Variants in NPAS3 observed in about 807,000 individuals in gnomAD.
The protein encoded by NPAS3 is neuronal PAS domain protein 3.
Under a neutral mutation model 73.1 loss-of-function variants are expected in NPAS3, and 14 were observed. That is an observed-to-expected ratio of 0.19 (90% confidence interval 0.13 to 0.30). The LOEUF is 0.30. Ranked by LOEUF, NPAS3 falls within the 10% of genes least tolerant of loss-of-function variation. The probability of loss-of-function intolerance (pLI) is 1.00; values close to 1 mark genes in which losing one functional copy is unlikely to be tolerated. For synonymous variants in NPAS3, 620 were observed against 541.5 expected (o/e 1.14, Z -2.01); for missense variants, 1,096 against 1,250.0 (o/e 0.88, Z 1.86).
At chr14:33,096,855 A>G (rs533467670) in intron 2 of NPAS3, among the ~76,000 whole-genome samples, 1 of 152,214 alleles carries the variant, frequency 6.6e-6, no homozygotes, top group East Asian at 1.9e-4. Context: ...TGTTATCTTA[A>G]TGTTTGATTC....
At chr14:33,300,393 C>T (rs2140146728) in intron 3 of NPAS3, among the ~76,000 whole-genome samples, 1 of 152,328 alleles carries the variant, frequency 6.6e-6, no homozygotes, top group African/African-American at 2.4e-5. Context: ...TAATGAACCA[C>T]CACGTAACAT....
intron 1 of NPAS3, among the ~76,000 whole-genome samples, chr14:32,948,598 G>T (rs1330737528): frequency 1.3e-5 from 2 of 152,080 alleles, no homozygotes; most frequent in Non-Finnish European, 2.9e-5. Flanking sequence ...TCTCTCCTGT[G>T]CAGGCATATG....
intron 3 of NPAS3, among the ~76,000 whole-genome samples, chr14:33,273,457 C>T (rs911556046): frequency 1.9e-4 from 29 of 152,012 alleles, no homozygotes; most frequent in African/African-American, 6.8e-4. Context: ...TTCAGAGGCC[C>T]CATTTTCTTA....
chr14:33,051,280 C>CAAAAAAAAA (rs1236766783), intron 1 of NPAS3, among the ~76,000 whole-genome samples: 50 of 64,244 alleles, frequency 7.8e-4, no homozygotes, highest in East Asian at 1.2e-3. Flanking sequence ...GACTCCGTCT[C>CAAAAAAAAA]AAAAAAAAAA....
At chr14:33,535,266 G>T (rs1404889559) in intron 4 of NPAS3, among the ~76,000 whole-genome samples, 1 of 152,112 alleles carries the variant, frequency 6.6e-6, no homozygotes, top group African/African-American at 2.4e-5. Context: ...TCATTCTAGG[G>T]CAGTACCCTT....
At chr14:33,295,153 A>G (rs2042245330) in intron 3 of NPAS3, among the ~76,000 whole-genome samples, 1 of 152,232 alleles carries the variant, frequency 6.6e-6, no homozygotes, top group South Asian at 2.1e-4. Context: ...AACGAAAACA[A>G]ATTTAAAACA....
At chr14:33,440,597 A>G (rs1481828134) in intron 4 of NPAS3, among the ~76,000 whole-genome samples, 1 of 152,206 alleles carries the variant, frequency 6.6e-6, no homozygotes, top group African/African-American at 2.4e-5. Flanking sequence ...GGGACAGGAA[A>G]TATAGAAAGT....
intron 3 of NPAS3, among the ~76,000 whole-genome samples, chr14:33,265,371 T>C (rs1022435512): frequency 6.6e-6 from 1 of 152,242 alleles, no homozygotes; most frequent in Non-Finnish European, 1.5e-5. Context: ...TGTAAAATTT[T>C]CTAAGGAGTC....
intron 5 of NPAS3, among the ~76,000 whole-genome samples, chr14:33,601,096 T>G (rs1307381867): frequency 1.3e-5 from 2 of 152,314 alleles, no homozygotes; most frequent in Non-Finnish European, 2.9e-5. Flanking sequence ...GAATGTCTCC[T>G]TTCCTTACTA....
chr14:33,104,467 A>C (rs2138912366), intron 2 of NPAS3, among the ~76,000 whole-genome samples: 1 of 152,326 alleles, frequency 6.6e-6, no homozygotes, highest in Non-Finnish European at 1.5e-5. Context: ...TGAACTTGTC[A>C]AAAAGAAACT....
At chr14:33,775,589 GAA>G (rs1312862124) in intron 8 of NPAS3, among the ~76,000 whole-genome samples, 1 of 152,154 alleles carries the variant, frequency 6.6e-6, no homozygotes, top group Non-Finnish European at 1.5e-5. Context: ...TGATTCAAAG[GAA>G]ATAATTCACC....
At chr14:33,260,050 C>T (rs780918777) in intron 3 of NPAS3, among the ~76,000 whole-genome samples, 1 of 152,098 alleles carries the variant, frequency 6.6e-6, no homozygotes, top group African/African-American at 2.4e-5. Flanking sequence ...ATGCAGCCGG[C>T]ATTTTGTTGG....
At chr14:32,989,248 C>CA (rs2038215023) in intron 1 of NPAS3, among the ~76,000 whole-genome samples, 1 of 152,130 alleles carries the variant, frequency 6.6e-6, no homozygotes, top group African/African-American at 2.4e-5. Context: ...ATTCCAGGCA[C>CA]AGAGGCAGAA....
chr14:33,215,739 AT>A (rs2047200213), intron 3 of NPAS3, among the ~76,000 whole-genome samples: 1 of 152,164 alleles, frequency 6.6e-6, no homozygotes, highest in Non-Finnish European at 1.5e-5. Context: ...TTACATACAA[AT>A]TCTTCTTCAT....
At chr14:33,683,427 CAAAAAAAAAAA>C (rs1176606241) in intron 6 of NPAS3, among the ~76,000 whole-genome samples, 42 of 77,524 alleles carry the variant, frequency 5.4e-4, no homozygotes, top group East Asian at 1.4e-3. Context: ...TTCCTCATTT[CAAAAAAAAAAA>C]AAAAAAAAAA....
At chr14:33,536,156 C>T (rs1156322777) in intron 4 of NPAS3, among the ~76,000 whole-genome samples, 1 of 152,090 alleles carries the variant, frequency 6.6e-6, no homozygotes, top group South Asian at 2.1e-4. Flanking sequence ...CGTTCCACAG[C>T]AATAATCAAA....
At chr14:33,760,923 G>A (rs1291131411) in intron 7 of NPAS3, among the ~76,000 whole-genome samples, 1 of 152,174 alleles carries the variant, frequency 6.6e-6, no homozygotes, top group Non-Finnish European at 1.5e-5. Flanking sequence ...AGAATCCATT[G>A]CAAAACTGCA....
chr14:33,030,268 CA>C (rs1379944028), intron 1 of NPAS3, among the ~76,000 whole-genome samples: 1 of 152,074 alleles, frequency 6.6e-6, no homozygotes, highest in Non-Finnish European at 1.5e-5. Context: ...GGCAGGAGTT[CA>C]AACTCAGTGA....
chr14:33,198,165 A>C (rs551420988), intron 2 of NPAS3, among the ~76,000 whole-genome samples: 1 of 152,308 alleles, frequency 6.6e-6, no homozygotes, highest in South Asian at 2.1e-4. Context: ...ACAGCTCATA[A>C]AGTCAGTGCG....
Sources: allele counts gnomAD v4.1 joint callset (sites outside exome capture counted in the v4.1 genomes callset), GRCh38; gene constraint gnomAD v4.1.1; transcripts MANE v1.5; gene names NCBI Gene and HGNC (gene_info 2026-07-23, HGNC 2026-07-21).